Variants in ZNF423 observed in about 807,000 individuals in gnomAD.
ZNF423 encodes the protein zinc finger protein 423.
A neutral mutation model predicts 95.8 loss-of-function variants in ZNF423; 12 were observed. The ratio of observed to expected loss-of-function variants is 0.13; its 90% CI spans 0.08 to 0.20. The LOEUF (loss-of-function observed/expected upper bound fraction) is 0.20, where lower values mean the gene tolerates loss of function less well. Ranked by LOEUF, ZNF423 falls within the 10% of genes least tolerant of loss-of-function variation. The pLI, the probability that ZNF423 is intolerant of heterozygous loss-of-function variation, is 1.00. For missense variants in ZNF423, 1,316 were observed against 1,737.1 expected (o/e 0.76, Z 4.31); for synonymous variants, 749 against 711.9 (o/e 1.05, Z -0.83).
At chr16:49,844,827 G>A (rs1158562427) in intron 1 of ZNF423, among the ~76,000 whole-genome samples, 8 of 152,036 alleles carry the variant, frequency 5.3e-5, no homozygotes, top group East Asian at 2.0e-4. Flanking sequence ...ACCTGAGGTC[G>A]GGAGATCAAG....
intron 3 of ZNF423, among the ~76,000 whole-genome samples, chr16:49,656,971 A>G (rs1248703114): frequency 6.6e-6 from 1 of 152,146 alleles, no homozygotes; most frequent in Non-Finnish European, 1.5e-5. Flanking sequence ...CTGACCTCAG[A>G]GGCTGTGTTC....
intron 2 of ZNF423, among the ~76,000 whole-genome samples, chr16:49,757,247 G>A (rs2033744159): frequency 6.6e-6 from 1 of 152,106 alleles, no homozygotes; most frequent in South Asian, 2.1e-4. Context: ...GTTTCCATGT[G>A]CTATTGGAGA....
At chr16:49,655,745 G>A (rs994350639) in intron 3 of ZNF423, among the ~76,000 whole-genome samples, 2 of 152,252 alleles carry the variant, frequency 1.3e-5, no homozygotes, top group Non-Finnish European at 2.9e-5. Context: ...ACCTCAACAT[G>A]CTGAACAGGT....
chr16:49,754,005 T>A (rs1168149349), intron 2 of ZNF423, among the ~76,000 whole-genome samples: 2 of 141,432 alleles, frequency 1.4e-5, no homozygotes. Flanking sequence ...CACTCCAGCC[T>A]GGGCGACAAG....
intron 3 of ZNF423, among the ~76,000 whole-genome samples, chr16:49,717,614 G>A (rs1206174359): frequency 6.6e-6 from 1 of 152,210 alleles, no homozygotes; most frequent in Non-Finnish European, 1.5e-5. Flanking sequence ...GGAGTCCCTG[G>A]ATTCAGCTGC....
intron 1 of ZNF423, among the ~76,000 whole-genome samples, chr16:49,799,689 C>G (rs1041888239): frequency 1.3e-5 from 2 of 152,170 alleles, no homozygotes; most frequent in Non-Finnish European, 2.9e-5. Context: ...AGAAAGGTGA[C>G]TCCTCTCCTC....
chr16:49,631,390 A>G (rs1972489798), intron 4 of ZNF423, among the ~76,000 whole-genome samples: 1 of 150,898 alleles, frequency 6.6e-6, no homozygotes, highest in South Asian at 2.1e-4. Flanking sequence ...TCACCCCAAC[A>G]TCTATTCCTA....
chr16:49,705,225 A>C (rs185803989), intron 3 of ZNF423, among the ~76,000 whole-genome samples: 2 of 152,276 alleles, frequency 1.3e-5, no homozygotes, highest in Non-Finnish European at 2.9e-5. Context: ...CCAGCCCTTC[A>C]CAAAGCCTGC....
chr16:49,636,171 T>C lies in ZNF423; in HGVS notation c.3005A>G (p.Lys1002Arg). ...CTCCTCCTCGCTCTGCAGGGGCATC[T>C]TGCAGATGCGACAGGTGCCCGTGTC... ...SLDTGTCRIC[K>R]MPLQSEEEFI... Residue 1002 changes from lysine to arginine, a missense_variant, in exon 4 of 8, where the codon AAG (lysine) becomes AGG (arginine). Lys to Arg is a conservative substitution (Grantham distance 26, BLOSUM62 2). Around this residue, in one of 6 missense-constraint regions of ZNF423, gnomAD observed 620 missense variants for 775.6 expected, o/e 0.80. Coordinates refer to ENST00000563137, the MANE Select transcript of ZNF423 (RefSeq NM_001379286.1). This position sits in a 1 kb window ranked among gnomAD's most constrained non-coding sequence, Gnocchi z 8.6. The C allele has an allele frequency of 1.9e-6, 3 of 1,613,680 alleles. No homozygotes were observed. The highest frequency in any genetic ancestry group is 2.5e-6 in the Non-Finnish European group (3 of 1,180,024).
At chr16:49,856,885 G>A (rs2035376916), upstream of ZNF423, among the ~76,000 whole-genome samples, 1 of 145,700 alleles carries the variant, frequency 6.9e-6, no homozygotes, top group Non-Finnish European at 1.5e-5. Context: ...GGGGGGAGGC[G>A]GCGGCCGCGG....
chr16:49,689,938 C>T (rs977014958), intron 3 of ZNF423, among the ~76,000 whole-genome samples: 1 of 152,200 alleles, frequency 6.6e-6, no homozygotes, highest in Non-Finnish European at 1.5e-5. Context: ...GCCAAGGACA[C>T]TCTCCCAGGT....
At chr16:49,514,934 T>C (rs1788123903) in intron 7 of ZNF423, among the ~76,000 whole-genome samples, 1 of 152,216 alleles carries the variant, frequency 6.6e-6, no homozygotes, top group Admixed American at 6.5e-5. Flanking sequence ...TGGCAGGCAG[T>C]GCCCCACAGC....
intron 2 of ZNF423, among the ~76,000 whole-genome samples, chr16:49,788,974 C>T (rs570844326): frequency 1.5e-4 from 23 of 152,300 alleles, no homozygotes; most frequent in Admixed American, 3.9e-4. Context: ...AGAGCTTATG[C>T]GGGGATCCTG....
At chr16:49,686,134 C>T (rs974015172) in intron 3 of ZNF423, among the ~76,000 whole-genome samples, 8 of 152,324 alleles carry the variant, frequency 5.3e-5, no homozygotes, top group African/African-American at 1.9e-4. Flanking sequence ...TCCTTCTCCC[C>T]CACAGACTGG....
chr16:49,794,883 A>C (rs2034474229), intron 1 of ZNF423, among the ~76,000 whole-genome samples: 1 of 152,138 alleles, frequency 6.6e-6, no homozygotes. Context: ...AAAAACAAAA[A>C]TTTTATTTTT....
intron 1 of ZNF423, among the ~76,000 whole-genome samples, chr16:49,837,212 C>A (rs2035129899): frequency 1.3e-5 from 2 of 152,160 alleles, no homozygotes; most frequent in African/African-American, 2.4e-5. Context: ...GTCAGGGTCC[C>A]TGTCCATGGG....
intron 1 of ZNF423, among the ~76,000 whole-genome samples, chr16:49,825,462 T>TC (rs928585284): frequency 3.3e-5 from 5 of 152,012 alleles, no homozygotes; most frequent in Non-Finnish European, 7.4e-5. Flanking sequence ...CTTTTTTTTT[T>TC]CCTGGTGTCA....
At chr16:49,840,199 T>G (rs2035168268) in intron 1 of ZNF423, among the ~76,000 whole-genome samples, 1 of 152,204 alleles carries the variant, frequency 6.6e-6, no homozygotes, top group South Asian at 2.1e-4. Flanking sequence ...TCACAAATTA[T>G]TAACATCTCT....
chr16:49,720,289 T>G (rs1420057533), intron 3 of ZNF423, among the ~76,000 whole-genome samples: 3 of 152,164 alleles, frequency 2.0e-5, no homozygotes, highest in Non-Finnish European at 4.4e-5. Context: ...TCAAAGACAG[T>G]GAGCTCGATG....
Sources: gnomAD v4.1 joint callset for allele counts (sites outside exome capture counted in the v4.1 genomes callset) on GRCh38, gnomAD v4.1.1 for gene constraint, gnomAD v4.1.1 regional missense constraint, Gnocchi (gnomAD v3.1) non-coding constraint, MANE v1.5 for transcripts, NCBI Gene and HGNC (gene_info 2026-07-23, HGNC 2026-07-21) for gene names.